Variants in SLAIN2 observed in about 807,000 individuals in gnomAD.
SLAIN2 encodes the protein SLAIN motif-containing protein 2.
A neutral mutation model predicts 56.6 loss-of-function variants in SLAIN2; 31 were observed. The observed-to-expected ratio is 0.55, with a 90% confidence interval of 0.41 to 0.74. The LOEUF (loss-of-function observed/expected upper bound fraction) is 0.74, where lower values mean the gene tolerates loss of function less well. Among genes scored for constraint, SLAIN2 ranks in the 30% least tolerant of loss-of-function variants. SLAIN2 has a pLI of 0.00. For synonymous variants in SLAIN2, 317 were observed against 284.9 expected (o/e 1.11, Z -1.13); for missense variants, 777 against 754.2 (o/e 1.03, Z -0.35).
At chr4:48,395,496 A>G (rs1342947089) in intron 6 of SLAIN2, among the ~76,000 whole-genome samples, 1 of 152,112 alleles carries the variant, frequency 6.6e-6, no homozygotes, top group Non-Finnish European at 1.5e-5. Flanking sequence ...AAGTGCTATA[A>G]TAGAAGTTTT....
At chr4:48,379,914 A>T in intron 4 of SLAIN2, 66 bp downstream of exon 4, 1 of 1,341,090 alleles carries the variant, frequency 7.5e-7, no homozygotes, top group Non-Finnish European at 9.8e-7. Flanking sequence ...TATATTAAAT[A>T]TGTCTTAAAG....
intron 6 of SLAIN2, among the ~76,000 whole-genome samples, chr4:48,400,269 A>G (rs1386089954): frequency 6.6e-6 from 1 of 151,552 alleles, no homozygotes; most frequent in African/African-American, 2.4e-5. Context: ...TATTTCTTCT[A>G]GATTTTCTAG....
chr4:48,402,859 T>C (rs1277088790), intron 6 of SLAIN2, among the ~76,000 whole-genome samples: 1 of 152,226 alleles, frequency 6.6e-6, no homozygotes, highest in Non-Finnish European at 1.5e-5. Flanking sequence ...TGTGGGCTTA[T>C]CTACCTTTGA....
intron 1 of SLAIN2, 98 bp downstream of exon 1, chr4:48,342,226 A>T (rs2109726947): frequency 1.5e-6 from 2 of 1,300,102 alleles, no homozygotes; most frequent in South Asian, 4.2e-5. Flanking sequence ...CGCTTTGTGT[A>T]GCCGGGTCCG....
At chr4:48,418,350 G>A (rs1055656262) in intron 6 of SLAIN2, among the ~76,000 whole-genome samples, 14 of 151,714 alleles carry the variant, frequency 9.2e-5, no homozygotes, top group African/African-American at 1.9e-4. Flanking sequence ...TCTGTTTTTC[G>A]GAGAACTTTT....
At chr4:48,393,386 T>TTTGTGTGTGTGTG (rs376243251) in intron 6 of SLAIN2, among the ~76,000 whole-genome samples, 46 of 135,448 alleles carry the variant, frequency 3.4e-4, no homozygotes, top group African/African-American at 1.3e-3. Context: ...CATGTCTGGC[T>TTTGTGTGTGTGTG]TGTGTGTGTG....
chr4:48,369,763 CT>C, intron 1 of SLAIN2, 85 bp from the exon 2 acceptor site: 1 of 1,246,870 alleles, frequency 8.0e-7, no homozygotes, highest in Non-Finnish European at 1.1e-6. Context: ...CCCTTCTCCC[CT>C]ATTTAAATCG....
At position 48,341,696 on chromosome 4, in the gene SLAIN2, G is replaced by A. The variant is rs1415925607; in HGVS notation, c.-44G>A. ...CCTCCGTCTCTTTCCCTGTCGCTGC[G>A]AGAGCGAGCGGGCGGCGGAGGCGGC... On this transcript the variant is annotated 5_prime_UTR_variant, in exon 1 of 8. Transcript: ENST00000264313. The A allele has an allele frequency of 4.0e-6, 6 of 1,518,740 alleles. No homozygotes were observed. In the South Asian group the frequency reaches 6.2e-5, roughly 16 times the overall value. The allele number at this position is 1,518,740 out of a possible 1,614,324, so 94.1% of individuals were successfully genotyped here.
chr4:48,389,980 C>T (rs539112092), intron 6 of SLAIN2, among the ~76,000 whole-genome samples: 1 of 152,010 alleles, frequency 6.6e-6, no homozygotes, highest in Non-Finnish European at 1.5e-5. Flanking sequence ...ACCACTTAGG[C>T]TATTATTGCA....
At chr4:48,362,423 C>CTTT (rs557166143) in intron 1 of SLAIN2, among the ~76,000 whole-genome samples, 56 of 140,952 alleles carry the variant, frequency 4.0e-4, no homozygotes, top group African/African-American at 1.4e-3. Flanking sequence ...TTCTCTCTCT[C>CTTT]TTTTTTTTTT....
At chr4:48,367,193 A>G (rs1300231416) in intron 1 of SLAIN2, among the ~76,000 whole-genome samples, 2 of 152,236 alleles carry the variant, frequency 1.3e-5, no homozygotes, top group African/African-American at 4.8e-5. Context: ...GTTTAGAAGT[A>G]TGTACTTTGA....
intron 6 of SLAIN2, among the ~76,000 whole-genome samples, chr4:48,403,720 T>C (rs145803363): frequency 5.3e-5 from 8 of 152,336 alleles, no homozygotes; most frequent in African/African-American, 1.9e-4. Flanking sequence ...CACTGCTGCC[T>C]GGTTCCTTGG....
At chr4:48,405,595 A>AT (rs1716672179) in intron 6 of SLAIN2, among the ~76,000 whole-genome samples, 1 of 151,188 alleles carries the variant, frequency 6.6e-6, no homozygotes, top group Non-Finnish European at 1.5e-5. Flanking sequence ...TTGTTTTGCT[A>AT]TTTTTTGCAA....
chr4:48,396,908 T>C (rs1716406758), intron 6 of SLAIN2, among the ~76,000 whole-genome samples: 1 of 152,194 alleles, frequency 6.6e-6, no homozygotes, highest in African/African-American at 2.4e-5. Context: ...TCCATAAATA[T>C]TTGTTGAATG....
intron 6 of SLAIN2, among the ~76,000 whole-genome samples, chr4:48,411,055 T>G (rs1261830067): frequency 6.6e-6 from 1 of 152,112 alleles, no homozygotes; most frequent in African/African-American, 2.4e-5. Flanking sequence ...TTGAAGCAAT[T>G]GTGTTTCGTT....
In SLAIN2 at chr4:48,423,038, T is replaced by C. The variant is rs1417322781; in HGVS notation, c.*961T>C. 2 of 152,094 alleles carry C rather than the reference T, an allele frequency of 1.3e-5. No individual in the cohort carries two copies. Among genetic ancestry groups the C allele is most frequent in the African/African-American group, 2.4e-5 (1 of 41,432 alleles). The allele number at this position is 152,094 out of a possible 1,614,324, so 9.4% of individuals were successfully genotyped here. A position where few individuals can be genotyped will look rare whatever the true frequency, so the allele number is the denominator to read the frequency against. On this transcript the variant is annotated 3_prime_UTR_variant, in exon 8 of 8. Coordinates refer to ENST00000264313, the MANE Select transcript of SLAIN2 (RefSeq NM_020846.2). ...GTGCTTGCAACCTGGAACAAAACCA[T>C]ACCATGAGAGAGAGGGGGAAAAAAA...
chr4:48,394,508 G>C, intron 6 of SLAIN2: 3 of 1,227,412 alleles, frequency 2.4e-6, no homozygotes, highest in Non-Finnish European at 3.4e-6. Flanking sequence ...AAACATTCAA[G>C]TTTACAGACG....
Position 48,420,405 on chromosome 4 carries a change from A to T in SLAIN2, c.1641A>T (p.Ile547=). 6.2e-7 allele frequency: 1 copy of T among 1,613,994 alleles called. No homozygotes were observed. Among genetic ancestry groups the T allele is most frequent in the Non-Finnish European group, 8.5e-7 (1 of 1,179,862 alleles). Reference sequence around the variant, plus strand: ...CCAGTGCCCCTTCTGCTGGGGGCATACCAGTGCCTCGCAGCAAACTTGCAC... The same window carrying T: ...CCAGTGCCCCTTCTGCTGGGGGCATTCCAGTGCCTCGCAGCAAACTTGCAC... ...PRPSAPSAGG[I]PVPRSKLAQP... The change falls in exon 7 of 8, where the codon ATA becomes ATT. Residue 547 remains isoleucine, a synonymous_variant. Coordinates refer to ENST00000264313, the MANE Select transcript of SLAIN2 (RefSeq NM_020846.2).
At chr4:48,357,851 G>A (rs1715202499) in intron 1 of SLAIN2, among the ~76,000 whole-genome samples, 1 of 151,852 alleles carries the variant, frequency 6.6e-6, no homozygotes, top group African/African-American at 2.4e-5. Flanking sequence ...CACCGCACCC[G>A]GCCCCACTGA....
Sources: gnomAD v4.1 joint callset for allele counts (sites outside exome capture counted in the v4.1 genomes callset) on GRCh38, gnomAD v4.1.1 for gene constraint, MANE v1.5 for transcripts, NCBI Gene and HGNC (gene_info 2026-07-23, HGNC 2026-07-21) for gene names.